The following NEMP2 variants were observed in gnomAD, a reference collection of about 807,000 sequenced individuals.
The protein encoded by NEMP2 is UPF0571 transmembrane protein.
Under a neutral mutation model 54.2 loss-of-function variants are expected in NEMP2, and 53 were observed. The ratio of observed to expected loss-of-function variants is 0.98; its 90% CI spans 0.78 to 1.23. The LOEUF (loss-of-function observed/expected upper bound fraction) is 1.23. NEMP2 is among the 50% of genes most tolerant of loss of function. The probability of loss-of-function intolerance (pLI) is 0.00; values close to 1 mark genes in which losing one functional copy is unlikely to be tolerated. For missense variants in NEMP2, 455 were observed against 511.3 expected, an observed-to-expected ratio of 0.89 and a Z score of 1.06; for synonymous variants, 197 against 190.3, an observed-to-expected ratio of 1.04 and a Z score of -0.29.
chr2:190,461,748 T>C, the NEMP2 span, among the ~76,000 whole-genome samples: 1 of 152,314 alleles, frequency 6.6e-6, no homozygotes, highest in Non-Finnish European at 1.5e-5. This position sits in a 1 kb window ranked among gnomAD's most constrained non-coding sequence, Gnocchi z 5.5. Flanking sequence ...CTTCATACTA[T>C]CATCACATTG....
chr2:190,498,444 A>G, the NEMP2 span, among the ~76,000 whole-genome samples: 2 of 152,200 alleles, frequency 1.3e-5, no homozygotes, highest in Non-Finnish European at 2.9e-5. The surrounding 1 kb of genome is among the most constrained non-coding windows in gnomAD (Gnocchi z 5.9). Flanking sequence ...AAGGGGAAAG[A>G]TTTAAAAATA....
chr2:190,640,140 T>C, the NEMP2 span, among the ~76,000 whole-genome samples: 1 of 152,220 alleles, frequency 6.6e-6, no homozygotes, highest in African/African-American at 2.4e-5. Flanking sequence ...TATTATTAAA[T>C]ATTAATTGAA....
chr2:190,534,918 C>CGGCCTCGGCCTT (rs940895232), upstream of NEMP2: 3 of 331,612 alleles, frequency 9.0e-6, no homozygotes, highest in Admixed American at 9.7e-5. Context: ...GCCTCGGCCT[C>CGGCCTCGGCCTT]GGCCTCGGCC....
chr2:190,495,044 A>C, the NEMP2 span, among the ~76,000 whole-genome samples: 1 of 152,184 alleles, frequency 6.6e-6, no homozygotes, highest in Non-Finnish European at 1.5e-5. This position sits in a 1 kb window ranked among gnomAD's most constrained non-coding sequence, Gnocchi z 4.7. Context: ...CAAATAGGTA[A>C]AGAGGAAGTC....
chr2:190,557,500 G>A, the NEMP2 span, among the ~76,000 whole-genome samples: 1 of 152,134 alleles, frequency 6.6e-6, no homozygotes, highest in Non-Finnish European at 1.5e-5. Context: ...AAGAGCTTCT[G>A]CACAGCAAAA....
chr2:190,460,804 C>T, the NEMP2 span, among the ~76,000 whole-genome samples: 6 of 152,184 alleles, frequency 3.9e-5, no homozygotes, highest in African/African-American at 9.6e-5. Flanking sequence ...GTCATCCCTG[C>T]GAGTGGGAGG....
intron 2 of NEMP2, among the ~76,000 whole-genome samples, chr2:190,524,523 G>A (rs922347168): frequency 2.0e-5 from 3 of 152,076 alleles, no homozygotes; most frequent in Non-Finnish European, 4.4e-5. Context: ...TCTCAGCCTA[G>A]AACACCCTTC....
At chr2:190,595,320 A>G in the NEMP2 span, among the ~76,000 whole-genome samples, 1 of 152,192 alleles carries the variant, frequency 6.6e-6, no homozygotes, top group Non-Finnish European at 1.5e-5. The surrounding 1 kb of genome is among the most constrained non-coding windows in gnomAD (Gnocchi z 4.0). Flanking sequence ...AACCTAGGCA[A>G]TACCATTCAG....
the NEMP2 span, among the ~76,000 whole-genome samples, chr2:190,622,706 C>T: frequency 2.3e-4 from 35 of 152,062 alleles, no homozygotes; most frequent in Non-Finnish European, 4.0e-4. Flanking sequence ...AGACACACCA[C>T]GGACCCTTAT....
intron 1 of NEMP2, 137 bp downstream of exon 1, chr2:190,534,422 C>G: frequency 8.2e-7 from 1 of 1,225,920 alleles, no homozygotes; most frequent in Non-Finnish European, 1.0e-6. Flanking sequence ...CCCGGGAGAC[C>G]CCAAAGCGAG....
chr2:190,559,404 T>G, the NEMP2 span, among the ~76,000 whole-genome samples: 26 of 152,170 alleles, frequency 1.7e-4, no homozygotes, highest in African/African-American at 6.3e-4. This position sits in a 1 kb window ranked among gnomAD's most constrained non-coding sequence, Gnocchi z 4.0. Flanking sequence ...CTTGAGCGTA[T>G]GAGTTCTGAT....
At chr2:190,641,711 G>A in the NEMP2 span, among the ~76,000 whole-genome samples, 1 of 152,190 alleles carries the variant, frequency 6.6e-6, no homozygotes, top group Non-Finnish European at 1.5e-5. Context: ...GGAATGAGTG[G>A]ACCGTAGCCA....
At chr2:190,429,516 C>T in the NEMP2 span, among the ~76,000 whole-genome samples, 3 of 151,836 alleles carry the variant, frequency 2.0e-5, no homozygotes, top group East Asian at 3.9e-4. Flanking sequence ...TTAGTAAAGA[C>T]GGGGTTTCAT....
chr2:190,477,146 T>G, the NEMP2 span: 1 of 480,630 alleles, frequency 2.1e-6, no homozygotes, highest in Non-Finnish European at 2.7e-6. Flanking sequence ...ATGGCACATG[T>G]ATACATATGT....
chr2:190,647,902 C>T, the NEMP2 span, among the ~76,000 whole-genome samples: 3 of 151,856 alleles, frequency 2.0e-5, no homozygotes, highest in Non-Finnish European at 4.4e-5. Context: ...TTTGTAGAGA[C>T]GGGATTTCAC....
At chr2:190,635,888 A>G in the NEMP2 span, among the ~76,000 whole-genome samples, 1 of 152,042 alleles carries the variant, frequency 6.6e-6, no homozygotes, top group Non-Finnish European at 1.5e-5. The surrounding 1 kb of genome is among the most constrained non-coding windows in gnomAD (Gnocchi z 4.1). Context: ...GTTTTTTGAG[A>G]CAGGCTCTCA....
chr2:190,576,473 A>G, the NEMP2 span, among the ~76,000 whole-genome samples: 2 of 152,238 alleles, frequency 1.3e-5, no homozygotes, highest in Non-Finnish European at 2.9e-5. Flanking sequence ...GAAACGGGAA[A>G]CATCAAAATG....
chr2:190,611,543 A>G, the NEMP2 span, among the ~76,000 whole-genome samples: 1 of 152,202 alleles, frequency 6.6e-6, no homozygotes, highest in East Asian at 1.9e-4. The surrounding 1 kb of genome is among the most constrained non-coding windows in gnomAD (Gnocchi z 5.4). Flanking sequence ...TTAATGTTCA[A>G]TTTACAGAAA....
chr2:190,583,206 C>A, the NEMP2 span, among the ~76,000 whole-genome samples: 1 of 150,532 alleles, frequency 6.6e-6, no homozygotes, highest in African/African-American at 2.4e-5. Flanking sequence ...GAGAGGGCAA[C>A]CTCTGTGATT....
Sources: allele counts gnomAD v4.1 joint callset (sites outside exome capture counted in the v4.1 genomes callset), GRCh38; gene constraint gnomAD v4.1.1; non-coding constraint Gnocchi (gnomAD v3.1); transcripts MANE v1.5; gene names NCBI Gene and HGNC (gene_info 2026-07-23, HGNC 2026-07-21).